The following SEZ6L variants were observed in gnomAD, a reference collection of about 807,000 sequenced individuals.
SEZ6L encodes the protein seizure 6-like protein.
Under a neutral mutation model 106.2 loss-of-function variants are expected in SEZ6L, and 37 were observed. That is an observed-to-expected ratio of 0.35 (90% CI 0.27 to 0.46). The LOEUF (loss-of-function observed/expected upper bound fraction) is 0.46. SEZ6L is among the 20% of genes least tolerant of loss of function. The pLI is 1.00. For missense variants in SEZ6L, 1,172 were observed against 1,332.8 expected, an observed-to-expected ratio of 0.88 and a Z score of 1.88; for synonymous variants, 541 against 570.4, an observed-to-expected ratio of 0.95 and a Z score of 0.73.
rs186650769 is a variant in SEZ6L at position 26,186,422 on chromosome 22, C to T, written c.94+16659C>T. Among the ~76,000 whole-genome samples, 248 of 152,206 alleles carry T rather than the reference C, an allele frequency of 1.6e-3. 1 individual carries two copies. Among genetic ancestry groups the T allele is most frequent in the African/African-American group, 5.7e-3 (235 of 41,534 alleles). On this transcript the variant is annotated intron_variant, in intron 1 of 16. Coordinates refer to ENST00000248933, the MANE Select transcript of SEZ6L (RefSeq NM_021115.5). ...TGGGGACCACTGCAATGGGATTTTG[C>T]AGTGGGGGAGATTGGGCTAACTCCA...
intron 9 of SEZ6L, among the ~76,000 whole-genome samples, chr22:26,322,447 G>C (rs1386909447): frequency 6.6e-6 from 1 of 152,216 alleles, no homozygotes; most frequent in African/African-American, 2.4e-5. Context: ...GCCATAAACA[G>C]ACAGCCTGGC....
intron 1 of SEZ6L, among the ~76,000 whole-genome samples, chr22:26,228,638 A>C (rs1250743190): frequency 1.3e-5 from 2 of 152,170 alleles, no homozygotes; most frequent in Non-Finnish European, 2.9e-5. Flanking sequence ...TGGTGGATCT[A>C]ATCTAATATG....
intron 1 of SEZ6L, among the ~76,000 whole-genome samples, chr22:26,177,024 G>C (rs981490540): frequency 2.6e-5 from 4 of 152,046 alleles, no homozygotes; most frequent in Non-Finnish European, 5.9e-5. Flanking sequence ...TCATTCATAT[G>C]CCCCTTAGCC....
At chr22:26,292,145 A>AAGG (rs1556313082) in intron 1 of SEZ6L, 62,874 of 385,982 alleles carry the variant, frequency 0.16, 6,405 homozygotes, top group Non-Finnish European at 0.21. Flanking sequence ...AGAAAGAAAG[A>AAGG]AAGGAAGGAA....
intron 9 of SEZ6L, among the ~76,000 whole-genome samples, chr22:26,335,350 A>T (rs1030289411): frequency 6.6e-6 from 1 of 152,178 alleles, no homozygotes; most frequent in African/African-American, 2.4e-5. Flanking sequence ...CAATAAGTGC[A>T]GTCCAGTCTG....
At chr22:26,231,422 G>T (rs1248264488) in intron 1 of SEZ6L, among the ~76,000 whole-genome samples, 1 of 152,140 alleles carries the variant, frequency 6.6e-6, no homozygotes, top group African/African-American at 2.4e-5. Context: ...TCTGAGCCCT[G>T]CCTCCAGTGT....
rs35971247 is a variant in SEZ6L, at chr22:26,304,369, GAAGAAAGAAAGAAAGAAAGA to G, written c.1349-1567_1349-1548del. Among the ~76,000 whole-genome samples, 346 of 98,296 alleles carry G rather than the reference GAAGAAAGAAAGAAAGAAAGA, an allele frequency of 3.5e-3. 5 individuals carry two copies. The highest frequency in any genetic ancestry group is 7.4e-3 in the South Asian group (22 of 2,978). The allele number at this position is 98,296 out of a possible 152,430, so 64.5% of individuals were successfully genotyped here. A position where few individuals can be genotyped will look rare whatever the true frequency, so the allele number is the denominator to read the frequency against. ...TTTGTCTCAAAAAAAAAAAAAGAAA[GAAGAAAGAAAGAAAGAAAGA>G]AAGAAAGAAAGAAAGAAAGAAAGAA... On this transcript the variant is annotated intron_variant, in intron 5 of 16. Coordinates refer to ENST00000248933, the MANE Select transcript of SEZ6L (RefSeq NM_021115.5).
chr22:26,272,352 A>G, intron 1 of SEZ6L, among the ~76,000 whole-genome samples: 1 of 152,234 alleles, frequency 6.6e-6, no homozygotes, highest in Non-Finnish European at 1.5e-5. Context: ...GCTTAGGACC[A>G]TGTGACTCTA....
intron 1 of SEZ6L, among the ~76,000 whole-genome samples, chr22:26,289,713 A>G (rs2081049024): frequency 6.6e-6 from 1 of 152,234 alleles, no homozygotes; most frequent in South Asian, 2.1e-4. Context: ...GTTGCAGTCT[A>G]TATAGATTAA....
intron 1 of SEZ6L, among the ~76,000 whole-genome samples, chr22:26,272,403 C>T (rs968745300): frequency 6.6e-6 from 1 of 152,116 alleles, no homozygotes; most frequent in African/African-American, 2.4e-5. Flanking sequence ...GATGTTGGAC[C>T]CCAAACACTT....
In SEZ6L at chr22:26,169,514, C is replaced by T. The variant is rs950387854; in HGVS notation, c.-156C>T. 11 of 364,230 alleles carry T rather than the reference C, an allele frequency of 3.0e-5. No homozygotes were observed. The highest frequency in any genetic ancestry group is 5.4e-5 in the Non-Finnish European group (11 of 204,508). The allele number at this position is 364,230 out of a possible 1,614,324, so 22.6% of individuals were successfully genotyped here. A position where few individuals can be genotyped will look rare whatever the true frequency, so the allele number is the denominator to read the frequency against. ...CGGCCAGAGCGACCGCGGGGCTGAG[C>T]GCGCGTCCGCCCAGGGGGCTCCGGA... is the stretch of plus-strand genomic sequence containing the variant. On this transcript the variant is annotated 5_prime_UTR_variant, in exon 1 of 17. Coordinates refer to ENST00000248933, the MANE Select transcript of SEZ6L (RefSeq NM_021115.5).
chr22:26,327,820 C>G (rs752103286), intron 9 of SEZ6L, among the ~76,000 whole-genome samples: 1 of 152,208 alleles, frequency 6.6e-6, no homozygotes, highest in African/African-American at 2.4e-5. Flanking sequence ...TTAGATGTCC[C>G]GGAATGTAGA....
chr22:26,299,794 C>G (rs1405799252), intron 5 of SEZ6L, among the ~76,000 whole-genome samples: 1 of 152,140 alleles, frequency 6.6e-6, no homozygotes, highest in Non-Finnish European at 1.5e-5. Flanking sequence ...CATTTGTATG[C>G]CAGTTTTTTG....
At chr22:26,186,369 C>A (rs538231660) in intron 1 of SEZ6L, among the ~76,000 whole-genome samples, 3 of 152,234 alleles carry the variant, frequency 2.0e-5, no homozygotes, top group Admixed American at 1.3e-4. Flanking sequence ...CATAATAAAG[C>A]AAACTTTATT....
intron 1 of SEZ6L, among the ~76,000 whole-genome samples, chr22:26,188,297 T>A (rs906209184): frequency 2.0e-5 from 3 of 152,232 alleles, no homozygotes. Flanking sequence ...TATTTACTAT[T>A]ATCTCACATG....
intron 1 of SEZ6L, among the ~76,000 whole-genome samples, chr22:26,223,571 T>C (rs975198079): frequency 2.6e-5 from 4 of 152,114 alleles, no homozygotes; most frequent in African/African-American, 9.7e-5. Context: ...AGTTTGAATC[T>C]TGGCCCAGCT....
chr22:26,208,884 G>A (rs1011585472), intron 1 of SEZ6L, among the ~76,000 whole-genome samples: 3 of 149,810 alleles, frequency 2.0e-5, no homozygotes, highest in African/African-American at 7.3e-5. Flanking sequence ...GTGTGTGTGT[G>A]TGTGTGTGTG....
intron 1 of SEZ6L, among the ~76,000 whole-genome samples, chr22:26,287,199 G>A (rs1218800195): frequency 1.3e-5 from 2 of 152,060 alleles, no homozygotes; most frequent in East Asian, 1.9e-4. Context: ...TGCCTTCTAC[G>A]TGGCATGGCT....
intron 1 of SEZ6L, among the ~76,000 whole-genome samples, chr22:26,240,415 G>GGGCAGTCA (rs934053999): frequency 1.3e-5 from 2 of 152,054 alleles, no homozygotes; most frequent in Non-Finnish European, 2.9e-5. Context: ...GTGTGAATGT[G>GGGCAGTCA]GGCAGTCATT....
Sources: allele counts gnomAD v4.1 joint callset (sites outside exome capture counted in the v4.1 genomes callset), GRCh38; gene constraint gnomAD v4.1.1; transcripts MANE v1.5; gene names NCBI Gene and HGNC (gene_info 2026-07-23, HGNC 2026-07-21).